SAMD12: variants seen among roughly 807,000 people sequenced by gnomAD.
SAMD12 encodes the protein sterile alpha motif domain-containing protein 12.
SAMD12 carries 9 observed loss-of-function variants against 15.0 expected under a neutral mutation model. The observed-to-expected ratio is 0.60, with a 90% CI of 0.36 to 1.05. The LOEUF is 1.05. SAMD12 is among the 50% of genes least tolerant of loss of function. SAMD12 has a pLI of 0.01. For missense variants in SAMD12, 230 were observed against 234.2 expected (o/e 0.98, Z 0.12); for synonymous variants, 86 against 90.1 (o/e 0.96, Z 0.25).
chr8:118,396,851 A>G (rs1820598394), intron 3 of SAMD12, among the ~76,000 whole-genome samples: 1 of 152,194 alleles, frequency 6.6e-6, no homozygotes, highest in Admixed American at 6.5e-5. Flanking sequence ...GGTTTCTACT[A>G]GAGAGGTGGT....
At chr8:118,242,089 T>C (rs192552616) in intron 4 of SAMD12, among the ~76,000 whole-genome samples, 168 of 152,228 alleles carry the variant, frequency 1.1e-3, no homozygotes, top group African/African-American at 3.9e-3. Flanking sequence ...AACTTCTGTA[T>C]TTTTTTGTAG....
intron 2 of SAMD12, among the ~76,000 whole-genome samples, chr8:118,506,536 T>C (rs1824925387): frequency 6.6e-6 from 1 of 152,102 alleles, no homozygotes; most frequent in Admixed American, 6.5e-5. Context: ...ACAGTGTTTA[T>C]GAGAACTAGA....
At chr8:118,596,005 A>G (rs184686267) in intron 1 of SAMD12, among the ~76,000 whole-genome samples, 151 of 152,334 alleles carry the variant, frequency 9.9e-4, no homozygotes, top group Non-Finnish European at 1.7e-3. Flanking sequence ...ACAAGATGTG[A>G]GCAGGGGAGT....
intron 1 of SAMD12, among the ~76,000 whole-genome samples, chr8:118,608,889 G>A (rs558263470): frequency 1.4e-4 from 22 of 152,204 alleles, no homozygotes; most frequent in Admixed American, 8.5e-4. Flanking sequence ...TTTAATGCTC[G>A]ATAGGTTATT....
At chr8:118,521,692 C>T (rs569798954) in intron 2 of SAMD12, among the ~76,000 whole-genome samples, 2 of 152,236 alleles carry the variant, frequency 1.3e-5, no homozygotes, top group South Asian at 4.1e-4. Flanking sequence ...CGATCTCTAT[C>T]CAGGTCCTTA....
At chr8:118,566,196 T>C (rs1255363520) in intron 2 of SAMD12, among the ~76,000 whole-genome samples, 3 of 152,192 alleles carry the variant, frequency 2.0e-5, no homozygotes, top group African/African-American at 7.2e-5. Context: ...TTCTTTCTTT[T>C]CTAAGTAGGC....
Position 118,478,589 on chromosome 8 carries a change from G to A in SAMD12, c.193-38628C>T, listed in dbSNP as rs575333882. On this transcript the variant is annotated intron_variant, in intron 2 of 3. Coordinates refer to ENST00000314727, the MANE Select transcript of SAMD12 (RefSeq NM_207506.3). ...TTCCCCTTTCAGGGTTGTGGCAAGC[G>A]AGGCACAAATAAGTTAACTTAGCAA... Among the ~76,000 whole-genome samples the A allele has an allele frequency of 1.1e-4, 17 of 152,292 alleles. No homozygotes were observed. In the South Asian group the frequency reaches 3.3e-3, roughly 30 times the overall value.
rs1822806410 is a variant in SAMD12 at position 118,443,118 on chromosome 8, C to A, written c.193-3157G>T. 3.3e-5 allele frequency among the ~76,000 whole-genome samples: 5 copies of A among 152,156 alleles called. No individual in the cohort carries two copies. The South Asian group carries it at 1.0e-3, about 31-fold the overall frequency. On this transcript the variant is annotated intron_variant, in intron 2 of 3. Coordinates refer to ENST00000314727, the MANE Select transcript of SAMD12 (RefSeq NM_207506.3). ...CTTTATTCTTCAGCATATACTCTTACTAGGCATATACTAGTAAGAGCATAT... is the reference window on the plus strand; with the variant it reads ...CTTTATTCTTCAGCATATACTCTTAATAGGCATATACTAGTAAGAGCATAT...
At chr8:118,597,929 C>T (rs962862646) in intron 1 of SAMD12, among the ~76,000 whole-genome samples, 4 of 152,192 alleles carry the variant, frequency 2.6e-5, no homozygotes, top group African/African-American at 4.8e-5. Context: ...TCATAATCCT[C>T]ACACAATGGC....
chr8:118,530,146 G>A (rs774082111), intron 2 of SAMD12, among the ~76,000 whole-genome samples: 17 of 152,154 alleles, frequency 1.1e-4, no homozygotes, highest in East Asian at 3.9e-4. Context: ...GCATTTTTTC[G>A]TATGTTTGTT....
chr8:118,537,285 T>C (rs1825870624), intron 2 of SAMD12, among the ~76,000 whole-genome samples: 1 of 152,210 alleles, frequency 6.6e-6, no homozygotes, highest in Admixed American at 6.5e-5. Context: ...TGGTGTTCTA[T>C]AACCTTCTTG....
At chr8:118,276,589 G>A (rs1200473295) in intron 4 of SAMD12, among the ~76,000 whole-genome samples, 1 of 152,140 alleles carries the variant, frequency 6.6e-6, no homozygotes, top group Admixed American at 6.5e-5. Context: ...GACAATAACA[G>A]TTGGATTGAT....
intron 2 of SAMD12, among the ~76,000 whole-genome samples, chr8:118,461,021 C>G (rs762623341): frequency 6.6e-5 from 10 of 152,212 alleles, no homozygotes; most frequent in Non-Finnish European, 1.3e-4. Context: ...TCACTTCCAC[C>G]TTCTTTACCT....
At chr8:118,348,079 AT>A (rs1203868729) in intron 4 of SAMD12, among the ~76,000 whole-genome samples, 1 of 152,040 alleles carries the variant, frequency 6.6e-6, no homozygotes, top group Non-Finnish European at 1.5e-5. Flanking sequence ...ACTCATTTTT[AT>A]TTTTTATATT....
At chr8:118,289,707 A>AT (rs1814257824) in intron 4 of SAMD12, among the ~76,000 whole-genome samples, 1 of 152,146 alleles carries the variant, frequency 6.6e-6, no homozygotes, top group Admixed American at 6.5e-5. Flanking sequence ...TGGTAACTGT[A>AT]TTTTTTGTTA....
chr8:118,229,303 A>G (rs1812255935), intron 4 of SAMD12, among the ~76,000 whole-genome samples: 1 of 151,778 alleles, frequency 6.6e-6, no homozygotes, highest in Non-Finnish European at 1.5e-5. Context: ...ATAAAAATTT[A>G]AAAATATATA....
chr8:118,544,052 C>T (rs1437075132), intron 2 of SAMD12, among the ~76,000 whole-genome samples: 4 of 152,094 alleles, frequency 2.6e-5, no homozygotes, highest in Non-Finnish European at 5.9e-5. Context: ...CATCTGTTCC[C>T]AATCCACCCT....
chr8:118,476,661 A>ATTG (rs1255178543), intron 2 of SAMD12, among the ~76,000 whole-genome samples: 5 of 152,208 alleles, frequency 3.3e-5, no homozygotes, highest in African/African-American at 1.2e-4. Flanking sequence ...AGGTGGCTGT[A>ATTG]TTGCTACCAT....
chr8:118,566,876 TA>T (rs1184707245), intron 2 of SAMD12, among the ~76,000 whole-genome samples: 1 of 152,196 alleles, frequency 6.6e-6, no homozygotes, highest in East Asian at 1.9e-4. Context: ...TCTCCACTGT[TA>T]AAAAATAAAC....
Sources: gnomAD v4.1 joint callset for allele counts (sites outside exome capture counted in the v4.1 genomes callset) on GRCh38, gnomAD v4.1.1 for gene constraint, MANE v1.5 for transcripts, NCBI Gene and HGNC (gene_info 2026-07-23, HGNC 2026-07-21) for gene names.